The following CMYA5 variants were observed in gnomAD, a reference collection of about 807,000 sequenced individuals.
CMYA5 encodes cardiomyopathy associated 5.
Under a neutral mutation model 318.9 loss-of-function variants are expected in CMYA5, and 246 were observed. The ratio of observed to expected loss-of-function variants is 0.77; its 90% confidence interval spans 0.70 to 0.86. The LOEUF is 0.86. Among genes scored for constraint, CMYA5 ranks in the 40% least tolerant of loss-of-function variants. CMYA5 has a pLI of 0.00. For missense variants in CMYA5, 4,589 were observed against 4,678.2 expected (o/e 0.98, Z 0.56); for synonymous variants, 1,641 against 1,729.5 (o/e 0.95, Z 1.27).
Position 79,736,087 on chromosome 5 carries a change from T to C in CMYA5, c.7322T>C (p.Ile2441Thr), listed in dbSNP as rs1191166422. 1.2e-6 allele frequency: 2 copies of C among 1,612,420 alleles called. No individual in the cohort carries two copies. Among genetic ancestry groups the C allele is most frequent in the Non-Finnish European group, 1.7e-6 (2 of 1,179,586 alleles). The change falls in exon 2 of 13, where the codon ATT becomes ACT. Residue 2441 changes from isoleucine to threonine, a missense_variant. Coordinates refer to ENST00000446378, the MANE Select transcript of CMYA5 (RefSeq NM_153610.5). ...ATGCAAAATCCTACTTCCTTGAAAA[T>C]TTCTGAAGAGGAAACAAAACTCAGG... ...KEMQNPTSLK[I>T]SEEETKLRSV...
At chr5:79,750,556 C>G (rs1828411010) in intron 5 of CMYA5, among the ~76,000 whole-genome samples, 1 of 141,892 alleles carries the variant, frequency 7.0e-6, no homozygotes, top group Admixed American at 7.1e-5. Flanking sequence ...ACTTTTTCTC[C>G]CTCCCTTCAT....
In CMYA5 at chr5:79,734,141, A is replaced by G. The variant is rs1170780790; in HGVS notation, c.5376A>G (p.Glu1792=). 3.1e-6 allele frequency: 5 copies of G among 1,613,740 alleles called. No individual in the cohort carries two copies. Among genetic ancestry groups the G allele is most frequent in the Admixed American group, 1.7e-5 (1 of 59,976 alleles). ...VMGDILDKLS[E]ETGHPNSSQV... is the part of the protein sequence containing the mutation. ...GAGATATTTTAGATAAGCTAAGTGA[A>G]GAAACAGGCCACCCAAATTCATCCC... The change falls in exon 2 of 13, where the codon GAA becomes GAG. Residue 1792 remains glutamate (E), a synonymous_variant. Transcript: ENST00000446378.
In CMYA5 at chr5:79,737,083, G is replaced by T; in HGVS notation, c.8318G>T (p.Gly2773Val). 1 of 1,613,696 alleles carries T rather than the reference G, an allele frequency of 6.2e-7. No individual in the cohort carries two copies. Among genetic ancestry groups the T allele is most frequent in the Non-Finnish European group, 8.5e-7 (1 of 1,179,786 alleles). The part of the protein sequence containing the change: ...QFKESELWKG[G>V]SVDITKESMK... ...AAAGAGTCAGAGCTATGGAAAGGTG[G>T]TTCAGTAGATATCACAAAAGAAAGT... The change falls in exon 2 of 13, where the codon GGT becomes GTT. Residue 2773 changes from glycine to valine, a missense_variant. By Grantham distance (109) the Gly-to-Val change is moderately radical. Transcript: ENST00000446378.
chr5:79,745,152 T>C (rs993416141), intron 3 of CMYA5, 70 bp from the exon 4 acceptor site: 8 of 933,284 alleles, frequency 8.6e-6, no homozygotes, highest in Admixed American at 2.7e-5. Context: ...GGCTGGTGTT[T>C]CCAAAAAAAA....
At chr5:79,701,781 A>G (rs918891902) in intron 1 of CMYA5, among the ~76,000 whole-genome samples, 2 of 152,234 alleles carry the variant, frequency 1.3e-5, no homozygotes, top group Non-Finnish European at 2.9e-5. Context: ...TCATAGCATC[A>G]TTATTCATAA....
intron 8 of CMYA5, 138 bp from the exon 9 acceptor site, chr5:79,762,924 G>T: frequency 1.0e-6 from 1 of 1,000,324 alleles, no homozygotes; most frequent in South Asian, 1.7e-5. Context: ...TCCCTTTTGG[G>T]TTTTTAACAC....
chr5:79,713,897 C>G (rs762082549), intron 1 of CMYA5, among the ~76,000 whole-genome samples: 5 of 152,104 alleles, frequency 3.3e-5, no homozygotes, highest in Admixed American at 3.3e-4. Context: ...TGGATCGCAT[C>G]TTCATCTTGT....
At chr5:79,776,541 A>G (rs953842030) in intron 9 of CMYA5, among the ~76,000 whole-genome samples, 4 of 151,712 alleles carry the variant, frequency 2.6e-5, no homozygotes, top group Non-Finnish European at 5.9e-5. Flanking sequence ...ATTTTTCCCA[A>G]CCTAAATGAT....
At chr5:79,693,494 C>A (rs1827010748) in intron 1 of CMYA5, among the ~76,000 whole-genome samples, 1 of 151,980 alleles carries the variant, frequency 6.6e-6, no homozygotes, top group Non-Finnish European at 1.5e-5. Context: ...GTGTGCATCA[C>A]CAGGCCTGGC....
intron 9 of CMYA5, among the ~76,000 whole-genome samples, chr5:79,769,277 C>T (rs905121927): frequency 6.6e-6 from 1 of 151,908 alleles, no homozygotes; most frequent in African/African-American, 2.4e-5. Context: ...TTATAACCCA[C>T]CTTCTGAAGC....
intron 5 of CMYA5, among the ~76,000 whole-genome samples, chr5:79,749,469 T>C (rs1828391464): frequency 6.6e-6 from 1 of 152,208 alleles, no homozygotes; most frequent in Admixed American, 6.5e-5. Flanking sequence ...GGTCCACTGA[T>C]ATGTGGATCT....
intron 9 of CMYA5, among the ~76,000 whole-genome samples, chr5:79,776,768 A>C (rs1828946430): frequency 6.6e-6 from 1 of 152,186 alleles, no homozygotes; most frequent in Admixed American, 6.5e-5. Flanking sequence ...TGTCAGTAAA[A>C]GCCAACTGTG....
chr5:79,760,964 A>G (rs1828639705), intron 7 of CMYA5, among the ~76,000 whole-genome samples: 1 of 152,208 alleles, frequency 6.6e-6, no homozygotes, highest in African/African-American at 2.4e-5. Flanking sequence ...CTTTTAAAGA[A>G]ACAGTCTGGG....
At position 79,735,018 on chromosome 5, in the gene CMYA5, A is replaced by T; in HGVS notation, c.6253A>T (p.Asn2085Tyr). The change falls in exon 2 of 13, where the codon AAT (asparagine) becomes TAT (tyrosine). Residue 2085 changes from asparagine (N) to tyrosine (Y), a missense_variant. Asn to Tyr is a moderately radical substitution (Grantham distance 143). Transcript: ENST00000446378. ...PAEGVEPALGNEKEAHRSTPP... is the reference protein window; with the variant it reads ...PAEGVEPALGYEKEAHRSTPP... ...AGAAGGTGTGGAACCTGCATTGGGCAATGAAAAAGAAGCACACAGGAGCAC... is the reference window on the plus strand; with the variant it reads ...AGAAGGTGTGGAACCTGCATTGGGCTATGAAAAAGAAGCACACAGGAGCAC... 6.2e-7 allele frequency: 1 copy of T among 1,613,726 alleles called. No individual in the cohort carries two copies. The highest frequency in any genetic ancestry group is 8.5e-7 in the Non-Finnish European group (1 of 1,179,782).
intron 1 of CMYA5, among the ~76,000 whole-genome samples, chr5:79,719,481 C>T (rs75447877): frequency 0.021 from 3,267 of 152,238 alleles, 124 homozygotes; most frequent in African/African-American, 0.073. Context: ...TTTTTTAGCA[C>T]ATTTAATGAA....
Position 79,732,694 on chromosome 5 carries a change from C to T in CMYA5, c.3929C>T (p.Thr1310Ile), listed in dbSNP as rs753425045. Residue 1310 changes from threonine to isoleucine, a missense_variant, in exon 2 of 13, where the codon ACA becomes ATA. Physicochemically the swap from Thr to Ile is moderately conservative, Grantham distance 89 (BLOSUM62 -1). This residue lies in a region of CMYA5 where 2,132 missense variants were observed against 2,131.3 expected (regional missense o/e 1.00). Transcript: ENST00000446378. ...KMEMKHDSKITTTPIVLHSAS... is the reference protein window; with the variant it reads ...KMEMKHDSKIITTPIVLHSAS... ...GAGATGAAACATGATTCCAAAATAACAACTACACCTATAGTGCTTCATTCA... is the reference window on the plus strand; with the variant it reads ...GAGATGAAACATGATTCCAAAATAATAACTACACCTATAGTGCTTCATTCA... 5 of 1,613,278 alleles carry T rather than the reference C, an allele frequency of 3.1e-6. No homozygotes were observed. In the African/African-American group the frequency reaches 4.0e-5, roughly 13 times the overall value.
intron 1 of CMYA5, among the ~76,000 whole-genome samples, chr5:79,715,782 G>A (rs991829273): frequency 3.3e-5 from 5 of 152,086 alleles, no homozygotes; most frequent in African/African-American, 1.2e-4. Context: ...GCATAATCTG[G>A]TTCAAATTGT....
At position 79,735,613 on chromosome 5, in the gene CMYA5, A is replaced by T. The variant is rs192191776; in HGVS notation, c.6848A>T (p.Glu2283Val). The T allele has an allele frequency of 3.7e-6, 6 of 1,613,596 alleles. No individual in the cohort carries two copies. Among genetic ancestry groups the T allele is most frequent in the African/African-American group, 2.7e-5 (2 of 74,984 alleles). ...TTACAACAGCCAAAATTCATTTCTG[A>T]GGTGTCTAGGGAAGATTATGGAAAA... The part of the protein sequence containing the change: ...EDLQQPKFIS[E>V]VSREDYGKKE... The change falls in exon 2 of 13, where the codon GAG (glutamate) becomes GTG (valine). Residue 2283 changes from glutamate (E) to valine (V), a missense_variant. Physicochemically the swap from Glu to Val is moderately radical, Grantham distance 121 (BLOSUM62 -2). Transcript: ENST00000446378.
At chr5:79,785,889 C>T (rs927947558) in intron 9 of CMYA5, among the ~76,000 whole-genome samples, 19 of 152,180 alleles carry the variant, frequency 1.2e-4, no homozygotes, top group African/African-American at 4.3e-4. Context: ...GCACCTTAGT[C>T]ATGGCAAACT....
Sources: allele counts gnomAD v4.1 joint callset (sites outside exome capture counted in the v4.1 genomes callset), GRCh38; gene constraint gnomAD v4.1.1; regional missense constraint gnomAD v4.1.1; transcripts MANE v1.5; gene names NCBI Gene and HGNC (gene_info 2026-07-23, HGNC 2026-07-21).